SUPT3H: variants seen among roughly 807,000 people sequenced by gnomAD.
The protein encoded by SUPT3H is transcription initiation protein SPT3 homolog.
SUPT3H carries 44 observed loss-of-function variants against 44.3 expected under a neutral mutation model. The observed-to-expected ratio is 0.99, with a 90% CI of 0.78 to 1.28. The LOEUF is 1.28. Ranked by LOEUF, SUPT3H falls within the 50% of genes most tolerant of loss-of-function variation. The probability of loss-of-function intolerance (pLI) is 0.00; values close to 1 mark genes in which losing one functional copy is unlikely to be tolerated. For missense variants in SUPT3H, 380 were observed against 387.1 expected (o/e 0.98, Z 0.15); for synonymous variants, 124 against 125.6 (o/e 0.99, Z 0.09).
intron 2 of SUPT3H, among the ~76,000 whole-genome samples, chr6:45,360,023 T>C (rs905036602): frequency 1.3e-5 from 2 of 152,256 alleles, no homozygotes; most frequent in Admixed American, 6.5e-5. Context: ...TTTTATTTCA[T>C]TATAGCACAG....
intron 3 of SUPT3H, among the ~76,000 whole-genome samples, chr6:45,051,870 G>C (rs913313855): frequency 1.3e-5 from 2 of 152,186 alleles, no homozygotes; most frequent in Non-Finnish European, 1.5e-5. Flanking sequence ...TTACACAGGA[G>C]TTGCAGTCAT....
At chr6:44,868,413 C>T (rs1196924038) in intron 10 of SUPT3H, among the ~76,000 whole-genome samples, 1 of 152,206 alleles carries the variant, frequency 6.6e-6, no homozygotes, top group African/African-American at 2.4e-5. Context: ...ATGGAACCAT[C>T]CATTTCAGCC....
At chr6:44,977,647 A>G (rs1778523213) in intron 6 of SUPT3H, among the ~76,000 whole-genome samples, 1 of 152,160 alleles carries the variant, frequency 6.6e-6, no homozygotes, top group Non-Finnish European at 1.5e-5. Context: ...AAGGTAAAAT[A>G]TATTGCTAGA....
intron 2 of SUPT3H, among the ~76,000 whole-genome samples, chr6:45,335,137 A>C (rs1018905487): frequency 6.6e-6 from 1 of 151,238 alleles, no homozygotes; most frequent in Non-Finnish European, 1.5e-5. Flanking sequence ...AAACAATTTA[A>C]GCATTGAATT....
intron 2 of SUPT3H, among the ~76,000 whole-genome samples, chr6:45,176,356 G>A (rs1028142144): frequency 9.9e-5 from 15 of 151,934 alleles, no homozygotes; most frequent in Admixed American, 2.0e-4. Context: ...CGAATATTGC[G>A]CTTTTCAGAC....
At chr6:45,007,308 T>C (rs1782851498) in intron 5 of SUPT3H, among the ~76,000 whole-genome samples, 1 of 151,962 alleles carries the variant, frequency 6.6e-6, no homozygotes, top group African/African-American at 2.4e-5. Context: ...TCTGCAGTCT[T>C]GGATTATTCT....
intron 9 of SUPT3H, among the ~76,000 whole-genome samples, chr6:44,938,855 C>T (rs1256543259): frequency 2.0e-5 from 3 of 152,014 alleles, no homozygotes; most frequent in African/African-American, 7.2e-5. Flanking sequence ...AGATTGCCTT[C>T]TTGATTTCTT....
intron 2 of SUPT3H, among the ~76,000 whole-genome samples, chr6:45,157,995 ACTC>A (rs1034501819): frequency 4.7e-5 from 7 of 148,436 alleles, no homozygotes; most frequent in Non-Finnish European, 8.9e-5. Flanking sequence ...CGTAATTATA[ACTC>A]CTCAACATGA....
chr6:44,914,564 T>A (rs1767530971), intron 10 of SUPT3H, among the ~76,000 whole-genome samples: 1 of 152,194 alleles, frequency 6.6e-6, no homozygotes, highest in Admixed American at 6.5e-5. Context: ...AACAATCTTA[T>A]GATTTCTTTT....
chr6:44,907,850 T>A (rs1236262193), intron 10 of SUPT3H, among the ~76,000 whole-genome samples: 1 of 152,154 alleles, frequency 6.6e-6, no homozygotes, highest in Non-Finnish European at 1.5e-5. Flanking sequence ...ATATTAGTAA[T>A]GAATGTTTAT....
chr6:45,369,334 C>T lies in SUPT3H; in HGVS notation c.1-4033G>A, dbSNP rs80303043. On this transcript the variant is annotated intron_variant, in intron 1 of 10. Coordinates refer to ENST00000371459, the MANE Select transcript of SUPT3H (RefSeq NM_003599.4). The stretch of plus-strand genomic sequence containing the variant: ...CCTACCCAAACTCTACTGACCTAAG[C>T]CCATCTCCAAGAAACCTTCCCAGAT... Among the ~76,000 whole-genome samples, 1,064 of 152,230 alleles carry T rather than the reference C, an allele frequency of 7.0e-3. 18 individuals carry two copies. The highest frequency in any genetic ancestry group is 0.024 in the African/African-American group (1,012 of 41,538).
intron 2 of SUPT3H, among the ~76,000 whole-genome samples, chr6:45,110,173 C>T (rs1357066372): frequency 4.6e-5 from 7 of 152,142 alleles, no homozygotes; most frequent in South Asian, 2.1e-4. Flanking sequence ...CCTATCTTCT[C>T]ATGCAAACAG....
chr6:44,883,373 A>G lies in SUPT3H; in HGVS notation c.912+49280T>C, dbSNP rs539053320. Reference sequence around the variant, plus strand: ...ACAAACCACTGCTCAAGAAAATAAGAGAGGACACAAACAAATGGAAAAACA... The same window carrying G: ...ACAAACCACTGCTCAAGAAAATAAGGGAGGACACAAACAAATGGAAAAACA... On this transcript the variant is annotated intron_variant, in intron 10 of 10. Transcript: ENST00000371459. 5.9e-5 allele frequency among the ~76,000 whole-genome samples: 9 copies of G among 152,350 alleles called. 1 individual carries two copies. In the South Asian group the frequency reaches 1.2e-3, roughly 21 times the overall value.
At chr6:44,927,065 T>C (rs918144065) in intron 10 of SUPT3H, among the ~76,000 whole-genome samples, 3 of 152,068 alleles carry the variant, frequency 2.0e-5, no homozygotes, top group Non-Finnish European at 4.4e-5. Context: ...TACAAGAATA[T>C]CCACTATCAC....
intron 10 of SUPT3H, among the ~76,000 whole-genome samples, chr6:44,896,177 A>G (rs1764107325): frequency 6.6e-6 from 1 of 152,148 alleles, no homozygotes; most frequent in African/African-American, 2.4e-5. Flanking sequence ...TTTGAAATAA[A>G]TATGTGCAAA....
intron 2 of SUPT3H, among the ~76,000 whole-genome samples, chr6:45,299,335 CA>C (rs10657198): frequency 1.6e-4 from 22 of 138,248 alleles, no homozygotes; most frequent in Non-Finnish European, 1.2e-4. Context: ...GACTCTGCCT[CA>C]AAAAAAAAAA....
intron 2 of SUPT3H, among the ~76,000 whole-genome samples, chr6:45,198,691 T>C (rs1282508797): frequency 6.6e-6 from 1 of 151,290 alleles, no homozygotes; most frequent in African/African-American, 2.4e-5. Context: ...GGGTTATTTA[T>C]AACAGGTAAC....
intron 1 of SUPT3H, among the ~76,000 whole-genome samples, chr6:45,371,428 A>AC (rs1053896029): frequency 1.5e-4 from 23 of 151,150 alleles, no homozygotes; most frequent in African/African-American, 5.4e-4. Context: ...ACCCTACAAG[A>AC]CAAGTATTCT....
chr6:44,991,486 T>C (rs1399420250), intron 6 of SUPT3H, among the ~76,000 whole-genome samples: 1 of 149,322 alleles, frequency 6.7e-6, no homozygotes, highest in East Asian at 2.0e-4. Flanking sequence ...TCACTAAATA[T>C]TTATGGCTTA....
Sources: gnomAD v4.1 joint callset for allele counts (sites outside exome capture counted in the v4.1 genomes callset) on GRCh38, gnomAD v4.1.1 for gene constraint, MANE v1.5 for transcripts, NCBI Gene and HGNC (gene_info 2026-07-23, HGNC 2026-07-21) for gene names.